Variants in CAPN2 observed in about 807,000 individuals in gnomAD.
CAPN2 encodes the protein calpain-2 catalytic subunit.
CAPN2 carries 92 observed loss-of-function variants against 102.3 expected under a neutral mutation model. That is an observed-to-expected ratio of 0.90 (90% CI 0.76 to 1.07). The LOEUF (loss-of-function observed/expected upper bound fraction) is 1.07, where lower values mean the gene tolerates loss of function less well. CAPN2 is among the 50% of genes least tolerant of loss of function. The probability of loss-of-function intolerance (pLI) is 0.00; values close to 1 mark genes in which losing one functional copy is unlikely to be tolerated. For missense variants in CAPN2, 800 were observed against 909.4 expected (o/e 0.88, Z 1.55); for synonymous variants, 340 against 355.4 (o/e 0.96, Z 0.49).
chr1:223,772,042 A>T (rs2102818004), intron 19 of CAPN2, 117 bp downstream of exon 19: 2 of 1,132,984 alleles, frequency 1.8e-6, no homozygotes, highest in East Asian at 2.4e-5. Context: ...TTGAGAATGA[A>T]ATTCCCTCTT....
In CAPN2 at chr1:223,755,447, G is replaced by A. The variant is rs752033070; in HGVS notation, c.1136-33G>A. On this transcript the variant is annotated intron_variant, in intron 9 of 20. Coordinates refer to ENST00000295006, the MANE Select transcript of CAPN2 (RefSeq NM_001748.5). The surrounding 1 kb of genome is among the most constrained non-coding windows in gnomAD (Gnocchi z 4.1). ...CCCCACCCCCATGCATTCCTGCTCA[G>A]GGCTGGGCTCCTCTGCCCCTTTCTG... 6.2e-7 allele frequency: 1 copy of A among 1,612,288 alleles called. No individual in the cohort carries two copies. The highest frequency in any genetic ancestry group is 1.7e-5 in the Admixed American group (1 of 59,944).
At chr1:223,735,137 A>G (rs1660420049) in intron 2 of CAPN2, among the ~76,000 whole-genome samples, 1 of 152,184 alleles carries the variant, frequency 6.6e-6, no homozygotes, top group Admixed American at 6.5e-5. Context: ...ACACCTCATC[A>G]TGATCCTCCT....
Position 223,750,923 on chromosome 1 carries a change from C to A in CAPN2, c.847C>A (p.Arg283Ser). The A allele has an allele frequency of 6.4e-7, 1 of 1,552,628 alleles. No individual in the cohort carries two copies. Among genetic ancestry groups the A allele is most frequent in the Non-Finnish European group, 8.7e-7 (1 of 1,147,396 alleles). ...ESNGSLQKLI[R>S]IRNPWGEVEW... is the part of the protein sequence containing the mutation. The stretch of plus-strand genomic sequence containing the variant: ...TAACGGAAGCCTACAGAAACTGATC[C>A]GCATCCGAAATCCCTGGGGAGAAGT... The change falls in exon 7 of 21, where the codon CGC becomes AGC. Residue 283 changes from arginine (R) to serine (S), a missense_variant. Physicochemically the swap from Arg to Ser is moderately radical, Grantham distance 110. Transcript: ENST00000295006.
At chr1:223,757,810 A>T in intron 11 of CAPN2, 1 of 199,082 alleles carries the variant, frequency 5.0e-6, no homozygotes, top group African/African-American at 2.3e-5. Flanking sequence ...GTGACCTTGG[A>T]CACGTTACAG....
intron 4 of CAPN2, among the ~76,000 whole-genome samples, chr1:223,745,745 C>T (rs774000387): frequency 2.0e-5 from 3 of 152,190 alleles, no homozygotes; most frequent in East Asian, 1.9e-4. Context: ...CTGCACTGTA[C>T]GCTGATAAAT....
intron 2 of CAPN2, among the ~76,000 whole-genome samples, chr1:223,735,263 C>T (rs780484625): frequency 6.6e-6 from 1 of 152,188 alleles, no homozygotes; most frequent in African/African-American, 2.4e-5. Context: ...CGCAGTGGCT[C>T]ATGCATGTAA....
chr1:223,707,240 C>CTCTGTG (rs200099635), intron 1 of CAPN2, among the ~76,000 whole-genome samples: 1 of 151,856 alleles, frequency 6.6e-6, no homozygotes, highest in Admixed American at 6.6e-5. Context: ...CTTATTTTCT[C>CTCTGTG]TCTCTCTCTC....
At chr1:223,708,186 G>A (rs1404525161), upstream of CAPN2, among the ~76,000 whole-genome samples, 1 of 152,158 alleles carries the variant, frequency 6.6e-6, no homozygotes, top group African/African-American at 2.4e-5. Flanking sequence ...TTACACAATG[G>A]AACCTGTGTC....
At chr1:223,758,367 T>G (rs538038385) in intron 11 of CAPN2, 1 of 152,358 alleles carries the variant, frequency 6.6e-6, no homozygotes, top group African/African-American at 2.4e-5. Flanking sequence ...AGCAAGGCAG[T>G]GCAACCGGTA....
chr1:223,734,001 C>G (rs1448148254), intron 2 of CAPN2, among the ~76,000 whole-genome samples: 30 of 149,302 alleles, frequency 2.0e-4, no homozygotes, highest in Admixed American at 2.0e-3. Flanking sequence ...GACTCGGTCC[C>G]AACTGCAGAC....
At chr1:223,745,211 A>G in intron 3 of CAPN2, 95 bp from the exon 4 acceptor site, 1 of 1,530,628 alleles carries the variant, frequency 6.5e-7, no homozygotes, top group South Asian at 1.2e-5. Context: ...AACCTATCCC[A>G]GGGGATCAGG....
chr1:223,750,116 T>A (rs183976130), intron 6 of CAPN2, among the ~76,000 whole-genome samples: 82 of 152,352 alleles, frequency 5.4e-4, no homozygotes, highest in African/African-American at 1.9e-3. Context: ...TTGATTTTTT[T>A]AACTACCCCC....
chr1:223,746,475 C>CTTTTTTT (rs60366533), intron 4 of CAPN2, among the ~76,000 whole-genome samples: 1,992 of 108,366 alleles, frequency 0.018, 247 homozygotes, highest in African/African-American at 0.085. Flanking sequence ...CTACGAGAAT[C>CTTTTTTT]TTTTTTTTTT....
At chr1:223,723,589 C>T (rs920594894) in intron 2 of CAPN2, among the ~76,000 whole-genome samples, 1 of 152,062 alleles carries the variant, frequency 6.6e-6, no homozygotes, top group African/African-American at 2.4e-5. Flanking sequence ...TCCACACTCC[C>T]AGCTGCCTTC....
At chr1:223,746,475 CTTT>C (rs60366533) in intron 4 of CAPN2, among the ~76,000 whole-genome samples, 11 of 108,464 alleles carry the variant, frequency 1.0e-4, no homozygotes, top group African/African-American at 1.3e-4. Flanking sequence ...CTACGAGAAT[CTTT>C]TTTTTTTTTT....
intron 1 of CAPN2, among the ~76,000 whole-genome samples, chr1:223,706,421 G>A (rs147061879): frequency 5.9e-4 from 90 of 152,222 alleles, no homozygotes; most frequent in Non-Finnish European, 1.1e-3. Context: ...TTGCAGCCCT[G>A]TGGAATTCAT....
At chr1:223,708,728 A>G (rs942272179), upstream of CAPN2, among the ~76,000 whole-genome samples, 1 of 150,714 alleles carries the variant, frequency 6.6e-6, no homozygotes, top group African/African-American at 2.4e-5. Flanking sequence ...TGGAGATTGC[A>G]CCACTGCACT....
intron 5 of CAPN2, among the ~76,000 whole-genome samples, chr1:223,748,301 G>C (rs1174313965): frequency 6.6e-6 from 1 of 152,212 alleles, no homozygotes; most frequent in Non-Finnish European, 1.5e-5. Flanking sequence ...CTCTGCGGGG[G>C]ACAGAGATAA....
In CAPN2 at chr1:223,754,688, G is replaced by A. The variant is rs1660987841; in HGVS notation, c.1136-792G>A. On this transcript the variant is annotated intron_variant, in intron 9 of 20. Coordinates refer to ENST00000295006, the MANE Select transcript of CAPN2 (RefSeq NM_001748.5). The surrounding 1 kb of genome is among the most constrained non-coding windows in gnomAD (Gnocchi z 4.7). ...TAGATTTTTTAAATAAATAGGTTTTGGAAGTAAAGAGGGCAGAGACATCAG... is the reference window on the plus strand; with the variant it reads ...TAGATTTTTTAAATAAATAGGTTTTAGAAGTAAAGAGGGCAGAGACATCAG... Among the ~76,000 whole-genome samples the A allele has an allele frequency of 6.6e-6, 1 of 152,208 alleles. No individual in the cohort carries two copies. Among genetic ancestry groups the A allele is most frequent in the Admixed American group, 6.5e-5 (1 of 15,286 alleles).
Sources: gnomAD v4.1 joint callset for allele counts (sites outside exome capture counted in the v4.1 genomes callset) on GRCh38, gnomAD v4.1.1 for gene constraint, Gnocchi (gnomAD v3.1) non-coding constraint, MANE v1.5 for transcripts, NCBI Gene and HGNC (gene_info 2026-07-23, HGNC 2026-07-21) for gene names.